Variants in SREBF1 observed in about 807,000 individuals in gnomAD.
SREBF1 encodes the protein sterol regulatory element-binding protein 1.
Under a neutral mutation model 100.1 loss-of-function variants are expected in SREBF1, and 45 were observed. The observed-to-expected ratio is 0.45, with a 90% CI of 0.35 to 0.58. The LOEUF (loss-of-function observed/expected upper bound fraction) is 0.58, where lower values mean the gene tolerates loss of function less well. Among genes scored for constraint, SREBF1 ranks in the 20% least tolerant of loss-of-function variants. The probability of loss-of-function intolerance (pLI) is 0.00; values close to 1 mark genes in which losing one functional copy is unlikely to be tolerated. For missense variants in SREBF1, 1,324 were observed against 1,539.4 expected, an observed-to-expected ratio of 0.86 and a Z score of 2.34; for synonymous variants, 657 against 681.8, an observed-to-expected ratio of 0.96 and a Z score of 0.57.
chr17:17,817,838 A>G lies in SREBF1; in HGVS notation c.1262T>C (p.Val421Ala). 6.2e-7 allele frequency: 1 copy of G among 1,609,892 alleles called. No individual in the cohort carries two copies. Among genetic ancestry groups the G allele is most frequent in the Non-Finnish European group, 8.5e-7 (1 of 1,179,898 alleles). The change falls in exon 7 of 19, where the codon GTG becomes GCG. Residue 421 changes from valine to alanine, a missense_variant. Transcript: ENST00000261646. This position sits in a 1 kb window ranked among gnomAD's most constrained non-coding sequence, Gnocchi z 6.6. The stretch of plus-strand genomic sequence containing the variant: ...GGGGGGTGGGGTCAGTGTGTCCTCC[A>G]CCTCAGTCTTCACGCCCTCCATGAG... ...DVLMEGVKTEVEDTLTPPPSD... is the reference protein window; with the variant it reads ...DVLMEGVKTEAEDTLTPPPSD...
In SREBF1 at chr17:17,812,619, G is replaced by C. The variant is rs1282326560; in HGVS notation, c.*3C>G. 6.9e-6 allele frequency: 11 copies of C among 1,599,244 alleles called. No homozygotes were observed. Among genetic ancestry groups the C allele is most frequent in the South Asian group, 1.1e-5 (1 of 88,984 alleles). The stretch of plus-strand genomic sequence containing the variant: ...AGGGGTGCTGAGGCCGGGGACACGG[G>C]GTCTAGCTGGAAGTGACAGTGGTCC... On this transcript the variant is annotated 3_prime_UTR_variant, in exon 19 of 19. Transcript: ENST00000261646.
In SREBF1 at chr17:17,814,607, G is replaced by A; in HGVS notation, c.2735+8C>T. ...GGACCAGGCAGGAGGAACCTGCCGT[G>A]CACTCACTCAGACTCCTGCAGCACC... On this transcript the variant is annotated splice_region_variant and intron_variant, in intron 15 of 18. Coordinates refer to ENST00000261646, the MANE Select transcript of SREBF1 (RefSeq NM_004176.5). 6.5e-7 allele frequency: 1 copy of A among 1,539,732 alleles called. No individual in the cohort carries two copies. The highest frequency in any genetic ancestry group is 8.7e-7 in the Non-Finnish European group (1 of 1,147,498).
At chr17:17,832,341 C>T (rs1193089280) in intron 1 of SREBF1, among the ~76,000 whole-genome samples, 1 of 152,170 alleles carries the variant, frequency 6.6e-6, no homozygotes, top group Non-Finnish European at 1.5e-5. Context: ...GATCCTCCAT[C>T]CAAGCAGCCA....
Position 17,824,893 on chromosome 17 carries a change from A to G in SREBF1, c.92-4372T>C, listed in dbSNP as rs1273457579. ...CCACCGCCGTCCAGCCCAGGCCCTT[A>G]TTTCCCAGCTTTGGGAGGTTCAAGG... On this transcript the variant is annotated intron_variant, in intron 1 of 18. Coordinates refer to ENST00000261646, the MANE Select transcript of SREBF1 (RefSeq NM_004176.5). The surrounding 1 kb of genome is among the most constrained non-coding windows in gnomAD (Gnocchi z 4.2). 2.0e-5 allele frequency among the ~76,000 whole-genome samples: 3 copies of G among 152,020 alleles called. No homozygotes were observed. Among genetic ancestry groups the G allele is most frequent in the African/African-American group, 7.2e-5 (3 of 41,392 alleles).
At chr17:17,818,103 T>C in intron 6 of SREBF1, 157 bp downstream of exon 6, 1 of 832,272 alleles carries the variant, frequency 1.2e-6, no homozygotes, top group Non-Finnish European at 1.9e-6. Context: ...ACCAAGGGAC[T>C]AGAGCTGAAT....
In SREBF1 at chr17:17,820,281, G is replaced by A. The variant is rs115855236; in HGVS notation, c.332C>T (p.Pro111Leu). 8.8e-4 allele frequency: 1,421 copies of A among 1,613,894 alleles called. 1 individual carries two copies. The highest frequency in any genetic ancestry group is 1.1e-3 in the Non-Finnish European group (1,263 of 1,179,998). Residue 111 changes from proline to leucine, a missense_variant, in exon 2 of 19, where the codon CCG (proline) becomes CTG (leucine). Coordinates refer to ENST00000261646, the MANE Select transcript of SREBF1 (RefSeq NM_004176.5). ...QPAPTPLKMY[P>L]SMPAFSPGPG... ...CCCAGGGGAGAAAGCGGGCATGGAC[G>A]GGTACATCTTCAATGGAGTGGGTGC...
At chr17:17,832,717 G>C (rs761228422) in intron 1 of SREBF1, among the ~76,000 whole-genome samples, 1 of 151,992 alleles carries the variant, frequency 6.6e-6, no homozygotes, top group African/African-American at 2.4e-5. Flanking sequence ...TCAGGAGATC[G>C]AGACCATCCT....
In SREBF1 at chr17:17,812,777, G is replaced by C. The variant is rs1047974434; in HGVS notation, c.3289C>G (p.Leu1097Val). The C allele has an allele frequency of 3.3e-6, 5 of 1,528,060 alleles. No individual in the cohort carries two copies. In the African/African-American group the frequency reaches 6.9e-5, roughly 21 times the overall value. The allele number at this position is 1,528,060 out of a possible 1,614,324, so 94.7% of individuals were successfully genotyped here. ...GGCGCCGACAGGAAGCCGGGGGGCA[G>C]GTAGCAGGAGGCCAGCAGCAAGGCC... Reference protein sequence around the residue: ...AEALLLASCYLPPGFLSAPGQ... With the variant: ...AEALLLASCYVPPGFLSAPGQ... The change falls in exon 19 of 19, where the codon CTG becomes GTG. Residue 1097 changes from leucine (L) to valine (V), a missense_variant. Leu to Val is a conservative substitution (Grantham distance 32, BLOSUM62 1). Transcript: ENST00000261646.
chr17:17,833,474 T>TAC lies in SREBF1; in HGVS notation c.91+3251_91+3252dup, dbSNP rs58638639. ...AAATATATATATATATATATATATA[T>TAC]ACACACACACATACAGATCCACAGC... On this transcript the variant is annotated intron_variant, in intron 1 of 18. Coordinates refer to ENST00000261646, the MANE Select transcript of SREBF1 (RefSeq NM_004176.5). Among the ~76,000 whole-genome samples the TAC allele has an allele frequency of 8.9e-3, 979 of 110,572 alleles. 25 individuals carry two copies. Among genetic ancestry groups the TAC allele is most frequent in the African/African-American group, 0.038 (922 of 24,560 alleles). The allele number at this position is 110,572 out of a possible 152,430, so 72.5% of individuals were successfully genotyped here. A position where few individuals can be genotyped will look rare whatever the true frequency, so the allele number is the denominator to read the frequency against.
At chr17:17,832,286 C>A (rs1377470375) in intron 1 of SREBF1, among the ~76,000 whole-genome samples, 3 of 152,214 alleles carry the variant, frequency 2.0e-5, no homozygotes, top group Admixed American at 2.0e-4. Context: ...AACACACTGT[C>A]TGAAACACAG....
chr17:17,825,365 A>G lies in SREBF1; in HGVS notation c.92-4844T>C, dbSNP rs536727932. Among the ~76,000 whole-genome samples the G allele has an allele frequency of 1.7e-4, 26 of 148,772 alleles. No homozygotes were observed. In the East Asian group the frequency reaches 5.0e-3, roughly 29 times the overall value. ...AGAGGGCGGTTGCTCTCTGAGCCCC[A>G]GGGGCAGCAGAGTCATTAAAGACTC... On this transcript the variant is annotated intron_variant, in intron 1 of 18. Coordinates refer to ENST00000261646, the MANE Select transcript of SREBF1 (RefSeq NM_004176.5).
Position 17,812,459 on chromosome 17 carries a change from C to T in SREBF1, c.*163G>A, listed in dbSNP as rs895575086. 1.2e-5 allele frequency: 9 copies of T among 734,332 alleles called. No individual in the cohort carries two copies. Among genetic ancestry groups the T allele is most frequent in the Non-Finnish European group, 2.0e-5 (9 of 452,536 alleles). The allele number at this position is 734,332 out of a possible 1,614,324, so 45.5% of individuals were successfully genotyped here. A position where few individuals can be genotyped will look rare whatever the true frequency, so the allele number is the denominator to read the frequency against. ...GCCGGTCTTAGGGTCAAGATCGCGC[C>T]CCTCGGGCCTTCCACCGCGAAGGCA... On this transcript the variant is annotated 3_prime_UTR_variant, in exon 19 of 19. Coordinates refer to ENST00000261646, the MANE Select transcript of SREBF1 (RefSeq NM_004176.5).
intron 1 of SREBF1, chr17:17,823,456 G>C: frequency 1.6e-6 from 2 of 1,280,086 alleles, no homozygotes; most frequent in African/African-American, 1.5e-5. Context: ...GCCCACCCCA[G>C]GAGAACCTGC....
chr17:17,813,328 G>A (rs2033150527), intron 18 of SREBF1, 40 bp downstream of exon 18: 2 of 1,544,028 alleles, frequency 1.3e-6, no homozygotes, highest in African/African-American at 2.7e-5. Context: ...CTTCCCTGCT[G>A]AGCAGACAGC....
chr17:17,823,637 G>A (rs774057745), intron 1 of SREBF1: 3 of 1,583,638 alleles, frequency 1.9e-6, no homozygotes, highest in South Asian at 1.1e-5. Flanking sequence ...TTTTGAAGCC[G>A]TTGAGCGCTG....
chr17:17,814,691 G>A lies in SREBF1; in HGVS notation c.2659C>T (p.Leu887=). 1 of 1,600,702 alleles carries A rather than the reference G, an allele frequency of 6.2e-7. No homozygotes were observed. Among genetic ancestry groups the A allele is most frequent in the Non-Finnish European group, 8.5e-7 (1 of 1,175,860 alleles). Residue 887 remains leucine (L), a synonymous_variant, in exon 15 of 19, where the codon CTG becomes TTG. Transcript: ENST00000261646. ...TCAGCCGCCTCCTCATCCCGCCGCAGCCAGTGGATCACCACAGCTGTCAGA... is the reference window on the plus strand; with the variant it reads ...TCAGCCGCCTCCTCATCCCGCCGCAACCAGTGGATCACCACAGCTGTCAGA... ...ASLTAVVIHW[L]RRDEEAAERL...
chr17:17,819,479 TA>T, intron 3 of SREBF1, 25 bp from the exon 4 acceptor site: 4 of 1,613,408 alleles, frequency 2.5e-6, no homozygotes, highest in Non-Finnish European at 3.4e-6. Flanking sequence ...GGCTTGGCTG[TA>T]AGCTGTGTGT....
Position 17,814,757 on chromosome 17 carries a change from AGGGAGGGTCCCCTGAAC to A in SREBF1, c.2603-27_2603-11del. Reference sequence around the variant, plus strand: ...GCCACCGGGTCTACGCCTGCAGAAGAGGGAGGGTCCCCTGAACCCTCAGTCACGCTGCACGGGGGAGC... The same window carrying A: ...GCCACCGGGTCTACGCCTGCAGAAGACCTCAGTCACGCTGCACGGGGGAGC... On this transcript the variant is annotated splice_polypyrimidine_tract_variant and intron_variant, in intron 14 of 18. Coordinates refer to ENST00000261646, the MANE Select transcript of SREBF1 (RefSeq NM_004176.5). The A allele has an allele frequency of 6.2e-7, 1 of 1,611,648 alleles. No homozygotes were observed. Among genetic ancestry groups the A allele is most frequent in the Non-Finnish European group, 8.5e-7 (1 of 1,179,538 alleles).
intron 6 of SREBF1, 39 bp downstream of exon 6, chr17:17,818,221 G>A (rs1437750474): frequency 6.4e-7 from 1 of 1,566,184 alleles, no homozygotes; most frequent in Non-Finnish European, 8.8e-7. Flanking sequence ...CAAGGCTAGA[G>A]AAGAGGCCAG....
Sources: gnomAD v4.1 joint callset for allele counts (sites outside exome capture counted in the v4.1 genomes callset) on GRCh38, gnomAD v4.1.1 for gene constraint, Gnocchi (gnomAD v3.1) non-coding constraint, MANE v1.5 for transcripts, NCBI Gene and HGNC (gene_info 2026-07-23, HGNC 2026-07-21) for gene names.